Variants in TBC1D32 observed in about 807,000 individuals in gnomAD.
TBC1D32 encodes the protein protein broad-minded.
In TBC1D32, 151 loss-of-function variants were observed where a neutral mutation model predicts 170.3. That is an observed-to-expected ratio of 0.89 (90% CI 0.78 to 1.01). TBC1D32 has a LOEUF of 1.01. Among genes scored for constraint, TBC1D32 ranks in the 50% least tolerant of loss-of-function variants. The pLI, the probability that TBC1D32 is intolerant of heterozygous loss-of-function variation, is 0.00. For synonymous variants in TBC1D32, 498 were observed against 488.0 expected (o/e 1.02, Z -0.27); for missense variants, 1,464 against 1,457.1 (o/e 1.00, Z -0.08).
chr6:121,231,701 C>A (rs572787084), intron 20 of TBC1D32, among the ~76,000 whole-genome samples: 1 of 152,054 alleles, frequency 6.6e-6, no homozygotes, highest in African/African-American at 2.4e-5. Context: ...TGCTTGTTGG[C>A]CATTTGTGTA....
chr6:121,239,891 G>T (rs991245486), intron 19 of TBC1D32, among the ~76,000 whole-genome samples: 1 of 152,100 alleles, frequency 6.6e-6, no homozygotes, highest in African/African-American at 2.4e-5. Context: ...TATTCGATCA[G>T]AAAGGGTCTT....
chr6:121,160,712 A>G (rs1480902138), intron 23 of TBC1D32, among the ~76,000 whole-genome samples: 1 of 152,144 alleles, frequency 6.6e-6, no homozygotes, highest in Non-Finnish European at 1.5e-5. Context: ...AACAATACCT[A>G]CTCTACTACA....
chr6:121,153,187 C>T (rs985488111), intron 24 of TBC1D32, among the ~76,000 whole-genome samples: 17 of 151,706 alleles, frequency 1.1e-4, no homozygotes, highest in Admixed American at 2.6e-4. Context: ...GGAGTTTTTG[C>T]GTGGTCCTTC....
chr6:121,316,355 A>G (rs1808938816), intron 3 of TBC1D32, among the ~76,000 whole-genome samples: 1 of 152,164 alleles, frequency 6.6e-6, no homozygotes, highest in South Asian at 2.1e-4. Flanking sequence ...CCCCAGAGTC[A>G]TAAAATTGGG....
chr6:121,102,792 G>A (rs960857015), intron 30 of TBC1D32, among the ~76,000 whole-genome samples: 7 of 152,102 alleles, frequency 4.6e-5, no homozygotes, highest in Non-Finnish European at 8.8e-5. Flanking sequence ...TACCATCAGA[G>A]TGAACAGGCA....
intron 30 of TBC1D32, among the ~76,000 whole-genome samples, chr6:121,092,228 T>C (rs2128176726): frequency 6.6e-6 from 1 of 150,670 alleles, no homozygotes; most frequent in African/African-American, 2.5e-5. Context: ...ATTTATGATT[T>C]ACAAATTACT....
intron 22 of TBC1D32, among the ~76,000 whole-genome samples, chr6:121,186,731 G>A (rs1361302601): frequency 2.0e-5 from 3 of 151,936 alleles, no homozygotes; most frequent in Admixed American, 2.0e-4. Flanking sequence ...ATGAAGATAC[G>A]ACTAGAACTA....
At chr6:121,096,739 G>A (rs1777462525) in intron 30 of TBC1D32, among the ~76,000 whole-genome samples, 4 of 152,054 alleles carry the variant, frequency 2.6e-5, no homozygotes, top group Admixed American at 2.6e-4. Context: ...ACATTGCCAA[G>A]ACAATCCTAA....
intron 21 of TBC1D32, among the ~76,000 whole-genome samples, chr6:121,214,954 C>T (rs912641299): frequency 1.9e-4 from 29 of 152,262 alleles, no homozygotes; most frequent in African/African-American, 7.0e-4. Flanking sequence ...TCTGCAGGCA[C>T]CAGCCTGCAT....
At position 121,317,656 on chromosome 6, in the gene TBC1D32, G is replaced by A; in HGVS notation, c.334C>T (p.His112Tyr). 1 of 1,603,080 alleles carries A rather than the reference G, an allele frequency of 6.2e-7. No homozygotes were observed. Among genetic ancestry groups the A allele is most frequent in the Non-Finnish European group, 8.5e-7 (1 of 1,175,110 alleles). Residue 112 changes from histidine to tyrosine, a missense_variant, in exon 3 of 32, where the codon CAT (histidine) becomes TAT (tyrosine). This residue lies in a region of TBC1D32 where 1,363 missense variants were observed against 1,338.1 expected (regional missense o/e 1.02). Coordinates refer to ENST00000398212, the MANE Select transcript of TBC1D32 (RefSeq NM_152730.6). ...GCTATCATAATGTTCTTCAGGTAAT[G>A]CATCATTTCTTTGTACCTTTAAATT... ...QESKEYKEMM[H>Y]YLKNIMIAVV... is the part of the protein sequence containing the mutation.
At chr6:121,316,092 A>T (rs1224275782) in intron 3 of TBC1D32, among the ~76,000 whole-genome samples, 1 of 152,176 alleles carries the variant, frequency 6.6e-6, no homozygotes, top group East Asian at 1.9e-4. Flanking sequence ...ATAAAAAACA[A>T]GAACATCTTC....
chr6:121,116,120 T>C (rs1397612174), intron 26 of TBC1D32, among the ~76,000 whole-genome samples: 2 of 151,852 alleles, frequency 1.3e-5, no homozygotes. Context: ...CATCACATAG[T>C]TATCTAGTGG....
At chr6:121,105,099 CAAT>C (rs1778556139) in intron 30 of TBC1D32, among the ~76,000 whole-genome samples, 1 of 151,672 alleles carries the variant, frequency 6.6e-6, no homozygotes, top group African/African-American at 2.4e-5. Context: ...ATCTACAAAT[CAAT>C]AAGAAACACT....
chr6:121,186,404 AG>A (rs1789216098), intron 22 of TBC1D32, among the ~76,000 whole-genome samples: 1 of 152,124 alleles, frequency 6.6e-6, no homozygotes, highest in Non-Finnish European at 1.5e-5. Context: ...AAAGGGCTCA[AG>A]AACCTCAATA....
intron 20 of TBC1D32, among the ~76,000 whole-genome samples, chr6:121,226,903 T>C (rs140299873): frequency 5.9e-5 from 9 of 152,234 alleles, no homozygotes; most frequent in East Asian, 1.9e-4. Flanking sequence ...TGTAAGACCA[T>C]TGTAAGGAAC....
intron 1 of TBC1D32, among the ~76,000 whole-genome samples, chr6:121,328,027 GTTTAA>G (rs1266612988): frequency 6.6e-6 from 1 of 151,990 alleles, no homozygotes; most frequent in Admixed American, 6.6e-5. Flanking sequence ...TCCTTACAAG[GTTTAA>G]TTTAAATCAA....
Position 121,298,763 on chromosome 6 carries a change from A to G in TBC1D32, c.1140+683T>C, listed in dbSNP as rs112364686. ...CTACTGCACTCAACCAAAAATCACAATTCCGGAATCTTTTCTTCACCTGAC... is the reference window on the plus strand; with the variant it reads ...CTACTGCACTCAACCAAAAATCACAGTTCCGGAATCTTTTCTTCACCTGAC... On this transcript the variant is annotated intron_variant, in intron 10 of 31. Coordinates refer to ENST00000398212, the MANE Select transcript of TBC1D32 (RefSeq NM_152730.6). 8.6e-3 allele frequency among the ~76,000 whole-genome samples: 1,301 copies of G among 152,096 alleles called. 9 individuals are homozygous for G. The highest frequency in any genetic ancestry group is 0.042 in the South Asian group (201 of 4,816).
intron 21 of TBC1D32, among the ~76,000 whole-genome samples, chr6:121,211,630 G>C (rs2128312926): frequency 6.6e-6 from 1 of 152,266 alleles, no homozygotes; most frequent in East Asian, 1.9e-4. Flanking sequence ...CCAGGTTGCT[G>C]TGAATGCCAT....
intron 10 of TBC1D32, among the ~76,000 whole-genome samples, 180 bp from the exon 11 acceptor site, chr6:121,294,840 T>C (rs1027010151): frequency 5.3e-5 from 8 of 152,182 alleles, no homozygotes; most frequent in Admixed American, 2.0e-4. Context: ...ATGGCATCAC[T>C]CTGGTGAACA....
Sources: gnomAD v4.1 joint callset for allele counts (sites outside exome capture counted in the v4.1 genomes callset) on GRCh38, gnomAD v4.1.1 for gene constraint, gnomAD v4.1.1 regional missense constraint, MANE v1.5 for transcripts, NCBI Gene and HGNC (gene_info 2026-07-23, HGNC 2026-07-21) for gene names.